Variants in CENPI observed in about 807,000 individuals in gnomAD.
CENPI encodes centromere protein I.
Under a neutral mutation model 60.4 loss-of-function variants are expected in CENPI, and 4 were observed. The observed-to-expected ratio is 0.07, with a 90% CI of 0.03 to 0.15. The LOEUF (loss-of-function observed/expected upper bound fraction) is 0.15, where lower values mean the gene tolerates loss of function less well. Ranked by LOEUF, CENPI falls within the 10% of genes least tolerant of loss-of-function variation. The pLI is 1.00. For missense variants in CENPI, 444 were observed against 534.5 expected (o/e 0.83, Z 1.67); for synonymous variants, 157 against 189.4 (o/e 0.83, Z 1.40).
At chrX:101,102,207 T>C in intron 3 of CENPI, 67 bp from the exon 4 acceptor site, 1 of 864,148 alleles carries the variant, frequency 1.2e-6, no homozygotes, top group Non-Finnish European at 1.6e-6. Context: ...TCCAAATTCT[T>C]ATTATTGAGG....
At chrX:101,169,116 T>A (rs2090151051), downstream of CENPI, among the ~76,000 whole-genome samples, 1 of 111,466 alleles carries the variant, frequency 9.0e-6, no homozygotes, top group Non-Finnish European at 1.9e-5. Flanking sequence ...TACACAGAAA[T>A]GGAAATTCTG....
intron 3 of CENPI, among the ~76,000 whole-genome samples, chrX:101,101,724 A>T (rs1322746408): frequency 1.8e-5 from 2 of 111,538 alleles, no homozygotes; most frequent in African/African-American, 3.3e-5. Flanking sequence ...CTGTCCTAAT[A>T]TTGAAACAGG....
Position 101,121,480 on chromosome X carries a change from C to T in CENPI, c.687+696C>T, listed in dbSNP as rs192445851. Among the ~76,000 whole-genome samples the T allele has an allele frequency of 4.9e-3, 526 of 108,034 alleles. 5 individuals are homozygous for T. The highest frequency in any genetic ancestry group is 0.016 in the African/African-American group (480 of 29,716). 93.8% of individuals were successfully genotyped at this position (108,034 alleles called of 115,157 possible). A position where few individuals can be genotyped will look rare whatever the true frequency, so the allele number is the denominator to read the frequency against. On this transcript the variant is annotated intron_variant, in intron 8 of 21. Transcript: ENST00000682095. ...TAATTTTTTGTATTTTTAGTAGAGA[C>T]GGGGTTTCATGTTGGCCAGGCTGGT...
At position 101,155,712 on chromosome X, in the gene CENPI, C is replaced by A. The variant is rs920126844; in HGVS notation, c.2095-5816C>A. Among the ~76,000 whole-genome samples the A allele has an allele frequency of 1.7e-4, 19 of 111,112 alleles. No individual in the cohort carries two copies. The Admixed American group carries it at 1.8e-3, about 11-fold the overall frequency. On this transcript the variant is annotated intron_variant, in intron 20 of 21. Coordinates refer to ENST00000682095, the MANE Select transcript of CENPI (RefSeq NM_001386188.2). ...CTGGGTACTTTTTTTGTTTTGTAACCCTCTATAGCACACAGGCTTACTAAA... is the reference window on the plus strand; with the variant it reads ...CTGGGTACTTTTTTTGTTTTGTAACACTCTATAGCACACAGGCTTACTAAA...
intron 5 of CENPI, 33 bp from the exon 6 acceptor site, chrX:101,109,858 T>C: frequency 9.8e-7 from 1 of 1,016,211 alleles, no homozygotes; most frequent in South Asian, 1.9e-5. Context: ...CAGTTATATT[T>C]CTTTAAAGAT....
chrX:101,160,375 C>CTTTTTTTT (rs763855508), intron 20 of CENPI, among the ~76,000 whole-genome samples: 9 of 81,427 alleles, frequency 1.1e-4, no homozygotes, highest in African/African-American at 1.8e-4. Context: ...GCTTTTAGTT[C>CTTTTTTTT]TTTTTTTTTT....
Position 101,127,183 on chromosome X carries a change from G to T in CENPI, c.823G>T (p.Ala275Ser). The part of the protein sequence containing the change: ...SENLWKTALL[A>S]VKQRNRGPSP... ...GAATCTATGGAAGACGGCTCTGCTTGCCGTGAAGCAAAGAAACCGGGGACC... is the reference window on the plus strand; with the variant it reads ...GAATCTATGGAAGACGGCTCTGCTTTCCGTGAAGCAAAGAAACCGGGGACC... The change falls in exon 10 of 22, where the codon GCC (alanine) becomes TCC (serine). Residue 275 changes from alanine (A) to serine (S), a missense_variant. Coordinates refer to ENST00000682095, the MANE Select transcript of CENPI (RefSeq NM_001386188.2). 3 of 1,191,719 alleles carry T rather than the reference G, an allele frequency of 2.5e-6. No individual in the cohort carries two copies. Among genetic ancestry groups the T allele is most frequent in the African/African-American group, 1.7e-5 (1 of 57,279 alleles).
At chrX:101,147,201 T>C (rs1232951925) in intron 18 of CENPI, among the ~76,000 whole-genome samples, 2 of 111,746 alleles carry the variant, frequency 1.8e-5, no homozygotes, top group African/African-American at 6.5e-5. Context: ...ACTGACTGCT[T>C]TTGAGCCTCT....
intron 20 of CENPI, among the ~76,000 whole-genome samples, chrX:101,156,069 A>G (rs867886763): frequency 2.7e-5 from 3 of 110,049 alleles, no homozygotes; most frequent in Admixed American, 1.9e-4. Context: ...CTGGAGTGCA[A>G]TGGCATGATC....
At chrX:101,181,536 T>A in the CENPI span, among the ~76,000 whole-genome samples, 1 of 112,553 alleles carries the variant, frequency 8.9e-6, no homozygotes, top group Non-Finnish European at 1.9e-5. Context: ...TCCTCAGTAT[T>A]TTATTATTTT....
In CENPI at chrX:101,154,592, C is replaced by A. The variant is rs1207380744; in HGVS notation, c.2094+6431C>A. Among the ~76,000 whole-genome samples the A allele has an allele frequency of 2.7e-5, 3 of 110,623 alleles. No homozygotes were observed. The East Asian group carries it at 8.6e-4, about 32-fold the overall frequency. ...CAAAACTCTGTCTAAAAAAACAAAA[C>A]AAAACAAAAAACGGATCCAGCTGCG... is the stretch of plus-strand genomic sequence containing the variant. On this transcript the variant is annotated intron_variant, in intron 20 of 21. Transcript: ENST00000682095.
chrX:101,099,189 G>T (rs1189013290), intron 2 of CENPI, among the ~76,000 whole-genome samples: 2 of 110,916 alleles, frequency 1.8e-5, no homozygotes, highest in Non-Finnish European at 3.8e-5. Context: ...CACTTTGGGA[G>T]GCTGAGGCAG....
intron 8 of CENPI, among the ~76,000 whole-genome samples, chrX:101,124,237 C>T (rs2089710900): frequency 9.1e-6 from 1 of 109,318 alleles, no homozygotes; most frequent in African/African-American, 3.3e-5. Context: ...CCCAGGAGGG[C>T]CAATGTTCCA....
downstream of CENPI, among the ~76,000 whole-genome samples, chrX:101,168,827 G>C (rs764000423): frequency 8.9e-6 from 1 of 111,981 alleles, no homozygotes; most frequent in Admixed American, 9.5e-5. Flanking sequence ...CTGGAGTAGA[G>C]AGTATCGTTA....
the CENPI span, among the ~76,000 whole-genome samples, chrX:101,175,112 A>C: frequency 1.8e-5 from 2 of 112,161 alleles, no homozygotes; most frequent in Non-Finnish European, 3.8e-5. Context: ...TCTCAACAAC[A>C]ACAACAAAAA....
intron 20 of CENPI, among the ~76,000 whole-genome samples, chrX:101,150,366 T>C (rs2089996553): frequency 9.7e-6 from 1 of 102,737 alleles, no homozygotes; most frequent in Non-Finnish European, 2.0e-5. Context: ...GATTGCCTTA[T>C]TATTTTTTTT....
intron 17 of CENPI, 149 bp from the exon 18 acceptor site, chrX:101,146,004 C>A: frequency 2.5e-6 from 1 of 407,904 alleles, no homozygotes; most frequent in Non-Finnish European, 4.0e-6. Flanking sequence ...ATATTTTAAG[C>A]CAGCTTGTAG....
At chrX:101,105,721 C>T (rs760128596) in intron 4 of CENPI, among the ~76,000 whole-genome samples, 12 of 111,163 alleles carry the variant, frequency 1.1e-4, no homozygotes, top group East Asian at 2.8e-4. Flanking sequence ...ACTACAGGTG[C>T]GTGCCACTGC....
chrX:101,173,532 G>A, the CENPI span, among the ~76,000 whole-genome samples: 1 of 109,088 alleles, frequency 9.2e-6, no homozygotes, highest in Non-Finnish European at 1.9e-5. Flanking sequence ...ATAGAATTAG[G>A]AAGCTTTCTT....
Sources: allele counts gnomAD v4.1 joint callset (sites outside exome capture counted in the v4.1 genomes callset), GRCh38; gene constraint gnomAD v4.1.1; transcripts MANE v1.5; gene names NCBI Gene and HGNC (gene_info 2026-07-23, HGNC 2026-07-21).